PLCL1: variants seen among roughly 807,000 people sequenced by gnomAD.
PLCL1 encodes the protein inactive phospholipase C-like protein 1.
PLCL1 carries 41 observed loss-of-function variants against 84.4 expected under a neutral mutation model. The observed-to-expected ratio is 0.49, with a 90% CI of 0.38 to 0.63. PLCL1 has a LOEUF of 0.63. Among genes scored for constraint, PLCL1 ranks in the 30% least tolerant of loss-of-function variants. The pLI is 0.00. For synonymous variants in PLCL1, 490 were observed against 488.3 expected (o/e 1.00, Z -0.05); for missense variants, 1,206 against 1,367.8 (o/e 0.88, Z 1.87).
At chr2:197,818,765 C>T (rs1408992970) in intron 1 of PLCL1, among the ~76,000 whole-genome samples, 1 of 152,092 alleles carries the variant, frequency 6.6e-6, no homozygotes, top group Non-Finnish European at 1.5e-5. Context: ...AGACTGGTGT[C>T]TTTCTGTCTC....
intron 1 of PLCL1, among the ~76,000 whole-genome samples, chr2:197,934,564 G>T (rs1408721911): frequency 2.0e-5 from 3 of 152,132 alleles, no homozygotes; most frequent in African/African-American, 7.2e-5. Context: ...GGTATTTGCA[G>T]ATAAGAGAGG....
At chr2:197,852,877 A>C (rs1574913352) in intron 1 of PLCL1, among the ~76,000 whole-genome samples, 1 of 152,152 alleles carries the variant, frequency 6.6e-6, no homozygotes, top group Non-Finnish European at 1.5e-5. Context: ...ATTATGGTAA[A>C]TATATTTAAC....
chr2:197,941,902 C>T (rs1443825527), intron 1 of PLCL1, among the ~76,000 whole-genome samples: 1 of 152,002 alleles, frequency 6.6e-6, no homozygotes, highest in Non-Finnish European at 1.5e-5. Context: ...CCTGGGGAAC[C>T]TGTTAGTCAT....
chr2:197,957,064 C>G (rs758774993), intron 1 of PLCL1, among the ~76,000 whole-genome samples: 2 of 152,032 alleles, frequency 1.3e-5, no homozygotes, highest in Admixed American at 1.3e-4. Flanking sequence ...TGTGCCACCT[C>G]TTTTGATATT....
At chr2:197,832,903 A>C (rs934605726) in intron 1 of PLCL1, among the ~76,000 whole-genome samples, 1 of 152,236 alleles carries the variant, frequency 6.6e-6, no homozygotes, top group African/African-American at 2.4e-5. Flanking sequence ...GACAAAAAAC[A>C]CATGATTATC....
chr2:197,838,767 T>A (rs1574906319), intron 1 of PLCL1, among the ~76,000 whole-genome samples: 3 of 152,344 alleles, frequency 2.0e-5, no homozygotes, highest in Admixed American at 2.0e-4. Context: ...GCAGAAAAAC[T>A]GACTTAGTTC....
At chr2:197,998,175 A>ATG (rs58332002) in intron 1 of PLCL1, among the ~76,000 whole-genome samples, 9,954 of 131,828 alleles carry the variant, frequency 0.076, 461 homozygotes, top group African/African-American at 0.13. Flanking sequence ...GAATGGAGCT[A>ATG]TGTGTGTGTG....
intron 1 of PLCL1, among the ~76,000 whole-genome samples, chr2:198,045,290 C>T (rs114596404): frequency 2.4e-3 from 367 of 152,192 alleles, no homozygotes; most frequent in Non-Finnish European, 4.2e-3. Flanking sequence ...ACTCACATGT[C>T]CATTAGAGTC....
At chr2:197,897,384 A>G (rs1688174270) in intron 1 of PLCL1, among the ~76,000 whole-genome samples, 1 of 152,048 alleles carries the variant, frequency 6.6e-6, no homozygotes, top group South Asian at 2.1e-4. Context: ...TGGAGGCAAT[A>G]TAGAGTGTTT....
chr2:197,843,743 T>C (rs1478111099), intron 1 of PLCL1, among the ~76,000 whole-genome samples: 5 of 152,176 alleles, frequency 3.3e-5, no homozygotes, highest in Admixed American at 2.0e-4. Context: ...AAAGATTCCC[T>C]AGATCTGAAA....
intron 1 of PLCL1, among the ~76,000 whole-genome samples, chr2:197,876,653 G>T (rs75697571): frequency 6.6e-6 from 1 of 151,912 alleles, no homozygotes; most frequent in Non-Finnish European, 1.5e-5. Context: ...TTTTGGAGGG[G>T]GCTATTTTTG....
At chr2:197,825,406 AT>A (rs1305672597) in intron 1 of PLCL1, among the ~76,000 whole-genome samples, 1 of 152,170 alleles carries the variant, frequency 6.6e-6, no homozygotes, top group African/African-American at 2.4e-5. Context: ...TATAACCTTG[AT>A]TTTCACAAGG....
intron 1 of PLCL1, among the ~76,000 whole-genome samples, chr2:197,844,373 G>A (rs1417932433): frequency 3.3e-5 from 5 of 150,950 alleles, no homozygotes; most frequent in African/African-American, 7.3e-5. Context: ...CATATAATAT[G>A]CATCTTCGTG....
chr2:197,885,005 G>T (rs1283454797), intron 1 of PLCL1, among the ~76,000 whole-genome samples: 2 of 152,094 alleles, frequency 1.3e-5, no homozygotes, highest in African/African-American at 4.8e-5. Context: ...TTTGGCTCCT[G>T]CCTCTGTAAA....
intron 1 of PLCL1, among the ~76,000 whole-genome samples, chr2:197,895,983 T>C (rs1382154429): frequency 6.6e-6 from 1 of 151,964 alleles, no homozygotes; most frequent in East Asian, 1.9e-4. Context: ...ACATTATATA[T>C]TATTCTTTGT....
At position 198,028,163 on chromosome 2, in the gene PLCL1, A is replaced by G. The variant is rs548402139; in HGVS notation, c.241-55595A>G. 8.5e-5 allele frequency among the ~76,000 whole-genome samples: 13 copies of G among 152,308 alleles called. No individual in the cohort carries two copies. In the South Asian group the frequency reaches 2.5e-3, roughly 29 times the overall value. On this transcript the variant is annotated intron_variant, in intron 1 of 5. Coordinates refer to ENST00000428675, the MANE Select transcript of PLCL1 (RefSeq NM_006226.4). Reference sequence around the variant, plus strand: ...GCCAGGAACTTTGAATCATTTTTACAGCTTTTCTGTAAATCAAAGACTTTC... The same window carrying G: ...GCCAGGAACTTTGAATCATTTTTACGGCTTTTCTGTAAATCAAAGACTTTC...
At chr2:198,041,803 A>G (rs1410138409) in intron 1 of PLCL1, among the ~76,000 whole-genome samples, 1 of 152,206 alleles carries the variant, frequency 6.6e-6, no homozygotes, top group Admixed American at 6.5e-5. Flanking sequence ...TGGAGGAGAG[A>G]ATATTCTAGG....
At chr2:197,817,397 T>A (rs2106417090) in intron 1 of PLCL1, among the ~76,000 whole-genome samples, 1 of 152,212 alleles carries the variant, frequency 6.6e-6, no homozygotes, top group African/African-American at 2.4e-5. Flanking sequence ...TGTGTATACT[T>A]ACGCCAGGCA....
chr2:197,829,524 A>C (rs1691010136), intron 1 of PLCL1, among the ~76,000 whole-genome samples: 1 of 152,194 alleles, frequency 6.6e-6, no homozygotes, highest in African/African-American at 2.4e-5. Context: ...TTATTTAATA[A>C]ATTAATTTTC....
Sources: gnomAD v4.1 joint callset for allele counts (sites outside exome capture counted in the v4.1 genomes callset) on GRCh38, gnomAD v4.1.1 for gene constraint, MANE v1.5 for transcripts, NCBI Gene and HGNC (gene_info 2026-07-23, HGNC 2026-07-21) for gene names.